Variants in PDE10A observed in about 807,000 individuals in gnomAD.
PDE10A encodes the protein cAMP and cAMP-inhibited cGMP 3',5'-cyclic phosphodiesterase 10A.
In PDE10A, 39 loss-of-function variants were observed where a neutral mutation model predicts 97.7. The ratio of observed to expected loss-of-function variants is 0.40; its 90% CI spans 0.31 to 0.52. The LOEUF (loss-of-function observed/expected upper bound fraction) is 0.52. Ranked by LOEUF, PDE10A falls within the 20% of genes least tolerant of loss-of-function variation. The probability of loss-of-function intolerance (pLI) is 0.56; values close to 1 mark genes in which losing one functional copy is unlikely to be tolerated. For missense variants in PDE10A, 731 were observed against 1,047.8 expected, an observed-to-expected ratio of 0.70 and a Z score of 4.17; for synonymous variants, 371 against 376.8, an observed-to-expected ratio of 0.98 and a Z score of 0.18.
chr6:165,526,747 T>C (rs1474786403), intron 2 of PDE10A, among the ~76,000 whole-genome samples: 2 of 152,180 alleles, frequency 1.3e-5, no homozygotes. Context: ...CATCTCCTGG[T>C]ACCTGGTATG....
chr6:165,901,189 G>T (rs982068241), intron 1 of PDE10A, among the ~76,000 whole-genome samples: 1 of 152,246 alleles, frequency 6.6e-6, no homozygotes, highest in East Asian at 1.9e-4. Flanking sequence ...TTTCTGTGGC[G>T]TCTCCAGCTC....
chr6:165,690,498 A>G (rs894162059), intron 1 of PDE10A, among the ~76,000 whole-genome samples: 1 of 152,134 alleles, frequency 6.6e-6, no homozygotes, highest in Admixed American at 6.5e-5. Context: ...TGGCCTCTGG[A>G]AATGGCAACT....
At chr6:165,717,592 A>T (rs1327491878) in intron 1 of PDE10A, among the ~76,000 whole-genome samples, 1 of 151,984 alleles carries the variant, frequency 6.6e-6, no homozygotes, top group East Asian at 1.9e-4. Context: ...TCAAAAAAAA[A>T]AAAGTGTATA....
At chr6:165,383,735 CA>C (rs1785074441) in intron 17 of PDE10A, among the ~76,000 whole-genome samples, 1 of 152,124 alleles carries the variant, frequency 6.6e-6, no homozygotes, top group Admixed American at 6.5e-5. Context: ...GCTAAACTCA[CA>C]AACAGAAAAC....
intron 1 of PDE10A, among the ~76,000 whole-genome samples, chr6:165,912,115 TATCTGTC>T (rs1392983230): frequency 2.0e-5 from 3 of 152,142 alleles, no homozygotes; most frequent in Non-Finnish European, 4.4e-5. Flanking sequence ...ATTTATCATC[TATCTGTC>T]ATCTGTCTAT....
rs529719896 is a variant in PDE10A, at chr6:165,799,359, A to G, written c.-615+188170T>C. On this transcript the variant is annotated intron_variant, in intron 1 of 19. Transcript: ENST00000366882. ...TCATTTTTCTTTTTTACAATTTTTA[A>G]AATCAATTTTGAAGGGCATTTTTTT... Among the ~76,000 whole-genome samples, 152 of 152,328 alleles carry G rather than the reference A, an allele frequency of 1.0e-3. 1 individual carries two copies. The highest frequency in any genetic ancestry group is 3.6e-3 in the African/African-American group (148 of 41,564).
At chr6:165,891,415 A>G (rs564012183) in intron 1 of PDE10A, among the ~76,000 whole-genome samples, 1 of 152,262 alleles carries the variant, frequency 6.6e-6, no homozygotes, top group East Asian at 1.9e-4. Flanking sequence ...GCTGTCCCCA[A>G]GTGGTTGCTG....
chr6:165,406,532 T>C (rs1787185945), intron 13 of PDE10A, among the ~76,000 whole-genome samples: 2 of 152,146 alleles, frequency 1.3e-5, no homozygotes, highest in African/African-American at 4.8e-5. Flanking sequence ...ACCATCTATA[T>C]TACTTTATCG....
chr6:165,403,791 C>A (rs1562428333), intron 13 of PDE10A, among the ~76,000 whole-genome samples: 1 of 152,142 alleles, frequency 6.6e-6, no homozygotes, highest in Non-Finnish European at 1.5e-5. Context: ...ATGAGATCTA[C>A]TTTTTAGCTC....
intron 11 of PDE10A, among the ~76,000 whole-genome samples, chr6:165,417,345 G>C (rs1424314797): frequency 6.6e-6 from 1 of 152,174 alleles, no homozygotes; most frequent in Non-Finnish European, 1.5e-5. Flanking sequence ...TCTGAGAGCA[G>C]TCTGAACTAT....
intron 1 of PDE10A, among the ~76,000 whole-genome samples, chr6:165,577,703 A>G (rs1340204709): frequency 2.0e-5 from 3 of 152,170 alleles, no homozygotes; most frequent in Non-Finnish European, 4.4e-5. Context: ...TCAAGACTGG[A>G]CTAGAGCAGC....
At chr6:165,347,446 A>G (rs9766949) in intron 18 of PDE10A, among the ~76,000 whole-genome samples, 1,697 of 152,320 alleles carry the variant, frequency 0.011, 28 homozygotes, top group African/African-American at 0.039. Context: ...TCTTTTAAAA[A>G]TACATTTTTT....
chr6:165,505,948 C>T (rs1041860241), intron 2 of PDE10A, among the ~76,000 whole-genome samples: 1 of 151,950 alleles, frequency 6.6e-6, no homozygotes, highest in Non-Finnish European at 1.5e-5. Flanking sequence ...AACAATAAAA[C>T]AATACCAAAT....
At chr6:165,467,841 C>T (rs2128267155) in intron 3 of PDE10A, among the ~76,000 whole-genome samples, 1 of 152,334 alleles carries the variant, frequency 6.6e-6, no homozygotes, top group South Asian at 2.1e-4. Context: ...TACTTTCAAA[C>T]AGCGTTGCAT....
chr6:165,339,219 T>A (rs1351341971), intron 20 of PDE10A, 59 bp downstream of exon 20: 10 of 962,894 alleles, frequency 1.0e-5, no homozygotes, highest in Non-Finnish European at 1.4e-5. Context: ...ATGTATGATT[T>A]TATGCCCACC....
chr6:165,535,606 T>C (rs1426633924), intron 2 of PDE10A, among the ~76,000 whole-genome samples: 1 of 151,282 alleles, frequency 6.6e-6, no homozygotes, highest in Non-Finnish European at 1.5e-5. Context: ...TGTGCGCGTG[T>C]GTGTGTGTGT....
At chr6:165,658,057 C>A (rs1192707933) in intron 1 of PDE10A, among the ~76,000 whole-genome samples, 1 of 152,168 alleles carries the variant, frequency 6.6e-6, no homozygotes, top group African/African-American at 2.4e-5. Flanking sequence ...CTGATTTAGA[C>A]CCATTTCCAC....
rs368714524 is a variant in PDE10A at position 165,548,143 on chromosome 6, T to C, written c.866-4575A>G. 2.6e-5 allele frequency among the ~76,000 whole-genome samples: 4 copies of C among 152,212 alleles called. No homozygotes were observed. In the East Asian group the frequency reaches 7.7e-4, roughly 29 times the overall value. On this transcript the variant is annotated intron_variant, in intron 1 of 21. Coordinates refer to ENST00000539869, the MANE Select transcript of PDE10A (RefSeq NM_001385079.1). ...ATAATTTCAAAGCAAATCCAAGAAATTATTTTAATATATTAGTACATTTCA... is the reference window on the plus strand; with the variant it reads ...ATAATTTCAAAGCAAATCCAAGAAACTATTTTAATATATTAGTACATTTCA...
At chr6:165,683,621 C>T (rs1263198069) in intron 1 of PDE10A, among the ~76,000 whole-genome samples, 2 of 152,082 alleles carry the variant, frequency 1.3e-5, no homozygotes, top group African/African-American at 4.8e-5. Context: ...AATGGCATGC[C>T]TTCCAAAGCA....
Sources: allele counts gnomAD v4.1 joint callset (sites outside exome capture counted in the v4.1 genomes callset), GRCh38; gene constraint gnomAD v4.1.1; transcripts MANE v1.5; gene names NCBI Gene and HGNC (gene_info 2026-07-23, HGNC 2026-07-21).